Variants in MRPS6 observed in about 807,000 individuals in gnomAD.
MRPS6 encodes small ribosomal subunit protein bS6m.
In MRPS6, 6 loss-of-function variants were observed where a neutral mutation model predicts 13.1. The ratio of observed to expected loss-of-function variants is 0.46; its 90% CI spans 0.25 to 0.91. The LOEUF (loss-of-function observed/expected upper bound fraction) is 0.91. Among genes scored for constraint, MRPS6 ranks in the 40% least tolerant of loss-of-function variants. MRPS6 has a pLI of 0.18. For missense variants in MRPS6, 164 were observed against 155.6 expected, an observed-to-expected ratio of 1.05 and a Z score of -0.29; for synonymous variants, 61 against 56.5, an observed-to-expected ratio of 1.08 and a Z score of -0.36.
intron 2 of MRPS6, among the ~76,000 whole-genome samples, chr21:34,134,758 G>A (rs1214096373): frequency 6.6e-6 from 1 of 151,910 alleles, no homozygotes; most frequent in Non-Finnish European, 1.5e-5. Context: ...AGTAGAAGCC[G>A]TACTCAAATA....
intron 1 of MRPS6, chr21:34,123,880 C>T (rs541896224): frequency 6.6e-6 from 1 of 152,216 alleles, no homozygotes; most frequent in East Asian, 1.9e-4. Flanking sequence ...TGATCTCTGT[C>T]CTCTACCCCA....
intron 2 of MRPS6, among the ~76,000 whole-genome samples, chr21:34,130,088 A>C (rs1296863508): frequency 6.6e-6 from 1 of 152,216 alleles, no homozygotes; most frequent in Admixed American, 6.5e-5. Context: ...AGGATGCTTC[A>C]GGGCTGCAAA....
chr21:34,074,933 A>G (rs1192501653), intron 1 of MRPS6, among the ~76,000 whole-genome samples: 4 of 152,200 alleles, frequency 2.6e-5, no homozygotes, highest in Non-Finnish European at 5.9e-5. Context: ...GTGCCTCTCT[A>G]TGAGGTCCAG....
At chr21:34,104,104 G>A (rs1979369248) in intron 1 of MRPS6, 3 of 999,760 alleles carry the variant, frequency 3.0e-6, no homozygotes. Flanking sequence ...ACGTTTGTAT[G>A]TGAGAGATGA....
At chr21:34,086,433 C>T (rs1408499779) in intron 1 of MRPS6, among the ~76,000 whole-genome samples, 2 of 151,846 alleles carry the variant, frequency 1.3e-5, no homozygotes, top group Admixed American at 6.6e-5. Flanking sequence ...CAGGGCTTAC[C>T]GGTGGTGATT....
chr21:34,093,207 G>A (rs62212118), intron 1 of MRPS6, among the ~76,000 whole-genome samples: 8,928 of 151,144 alleles, frequency 0.059, 303 homozygotes, highest in Middle Eastern at 0.13. Context: ...GATTTGGCAG[G>A]TATGAAGTGA....
chr21:34,113,970 A>G (rs1473933721), intron 1 of MRPS6, among the ~76,000 whole-genome samples: 2 of 152,182 alleles, frequency 1.3e-5, no homozygotes, highest in African/African-American at 4.8e-5. Flanking sequence ...GCATGAAGGC[A>G]TGCAATCAAT....
At chr21:34,101,162 G>A in intron 1 of MRPS6, 1 of 1,000,088 alleles carries the variant, frequency 1.0e-6, no homozygotes, top group Non-Finnish European at 1.2e-6. Flanking sequence ...AAGTACCTGG[G>A]TGACACAGAT....
intron 1 of MRPS6, among the ~76,000 whole-genome samples, chr21:34,093,566 A>C (rs1978815843): frequency 6.6e-6 from 1 of 152,008 alleles, no homozygotes. Context: ...TAGGACTTAA[A>C]AGGAAAATGC....
intron 1 of MRPS6, among the ~76,000 whole-genome samples, chr21:34,090,211 G>A (rs1417637139): frequency 6.6e-6 from 1 of 152,170 alleles, no homozygotes; most frequent in Non-Finnish European, 1.5e-5. Context: ...AGGAAAACCT[G>A]TTTTGCTCTT....
At chr21:34,076,420 AGT>A (rs1295575023) in intron 1 of MRPS6, among the ~76,000 whole-genome samples, 1 of 152,192 alleles carries the variant, frequency 6.6e-6, no homozygotes, top group African/African-American at 2.4e-5. Flanking sequence ...AAGATTTCAG[AGT>A]GTATTATGTA....
chr21:34,098,081 G>A, intron 1 of MRPS6: 1 of 999,020 alleles, frequency 1.0e-6, no homozygotes, highest in Non-Finnish European at 1.2e-6. Flanking sequence ...TCATGATTGT[G>A]TTGTTAAATG....
chr21:34,087,755 T>G lies in MRPS6; in HGVS notation c.45+14010T>G, dbSNP rs75547477. Among the ~76,000 whole-genome samples the G allele has an allele frequency of 2.0e-5, 3 of 152,304 alleles. No homozygotes were observed. In the East Asian group the frequency reaches 5.8e-4, roughly 29 times the overall value. ...GACTGCTTGCTGTGCTAGTGCCCTG[T>G]AGTGGGCCAAGGGCAGAAGCATGGA... is the stretch of plus-strand genomic sequence containing the variant. On this transcript the variant is annotated intron_variant, in intron 1 of 2. Transcript: ENST00000399312.
At chr21:34,133,642 G>C (rs1980586157) in intron 2 of MRPS6, among the ~76,000 whole-genome samples, 1 of 152,208 alleles carries the variant, frequency 6.6e-6, no homozygotes, top group African/African-American at 2.4e-5. Flanking sequence ...GCACTCGGCA[G>C]TGGTGGTGTC....
chr21:34,131,210 T>C (rs1313811874), intron 2 of MRPS6, among the ~76,000 whole-genome samples: 1 of 152,236 alleles, frequency 6.6e-6, no homozygotes, highest in Non-Finnish European at 1.5e-5. Context: ...AGTTGCAATG[T>C]AGTCAAATCC....
intron 1 of MRPS6, among the ~76,000 whole-genome samples, chr21:34,117,779 GATGTATGTATCTCCTGTGT>G (rs1249067073): frequency 1.1e-4 from 16 of 152,216 alleles, no homozygotes; most frequent in South Asian, 4.1e-4. Flanking sequence ...CAGGTGTCAG[GATGTATGTATCTCCTGTGT>G]ATGTATGTAT....
chr21:34,104,165 G>A, intron 1 of MRPS6: 1 of 999,904 alleles, frequency 1.0e-6, no homozygotes, highest in Non-Finnish European at 1.2e-6. Flanking sequence ...TTTAATAAAG[G>A]ATAATTTGAT....
chr21:34,074,264 A>G (rs1989267549), intron 1 of MRPS6, among the ~76,000 whole-genome samples: 1 of 151,914 alleles, frequency 6.6e-6, no homozygotes, highest in East Asian at 1.9e-4. Flanking sequence ...CGCCCAATAA[A>G]GCGTTCCTCC....
chr21:34,082,385 G>T (rs571859859), intron 1 of MRPS6, among the ~76,000 whole-genome samples: 13 of 152,144 alleles, frequency 8.5e-5, no homozygotes, highest in Non-Finnish European at 1.6e-4. Context: ...GTGAGGGAGT[G>T]ACATTCACAG....
Sources: allele counts gnomAD v4.1 joint callset (sites outside exome capture counted in the v4.1 genomes callset), GRCh38; gene constraint gnomAD v4.1.1; transcripts MANE v1.5; gene names NCBI Gene and HGNC (gene_info 2026-07-23, HGNC 2026-07-21).